The following SNX18 variants were observed in gnomAD, a reference collection of about 807,000 sequenced individuals.
The protein encoded by SNX18 is sorting nexin-18.
A neutral mutation model predicts 48.7 loss-of-function variants in SNX18; 35 were observed. That is an observed-to-expected ratio of 0.72 (90% CI 0.55 to 0.95). The LOEUF (loss-of-function observed/expected upper bound fraction) is 0.95. SNX18 is among the 40% of genes least tolerant of loss of function. The probability of loss-of-function intolerance (pLI) is 0.00; values close to 1 mark genes in which losing one functional copy is unlikely to be tolerated. For missense variants in SNX18, 824 were observed against 871.0 expected (o/e 0.95, Z 0.68); for synonymous variants, 492 against 384.7 (o/e 1.28, Z -3.26).
intron 1 of SNX18, among the ~76,000 whole-genome samples, chr5:54,532,047 C>G (rs1762260372): frequency 6.6e-6 from 1 of 152,224 alleles, no homozygotes; most frequent in South Asian, 2.1e-4. Flanking sequence ...CTTGCCTTGC[C>G]TTGGCTTCTC....
At chr5:54,625,569 T>A in the SNX18 span, among the ~76,000 whole-genome samples, 1 of 152,168 alleles carries the variant, frequency 6.6e-6, no homozygotes, top group Non-Finnish European at 1.5e-5. Context: ...GAAGTCACAC[T>A]CTTTTTGTAA....
the SNX18 span, among the ~76,000 whole-genome samples, chr5:54,613,655 C>G: frequency 6.6e-6 from 1 of 152,172 alleles, no homozygotes; most frequent in Non-Finnish European, 1.5e-5. Context: ...AAAGTGTGAA[C>G]TTCTTGTTTT....
At chr5:54,575,333 G>T in the SNX18 span, among the ~76,000 whole-genome samples, 2 of 150,970 alleles carry the variant, frequency 1.3e-5, no homozygotes, top group African/African-American at 2.4e-5. Context: ...TTGAGCTGAA[G>T]GCAGTTGAGA....
chr5:54,536,708 A>T (rs1034391112), intron 1 of SNX18, among the ~76,000 whole-genome samples: 3 of 152,168 alleles, frequency 2.0e-5, no homozygotes, highest in Non-Finnish European at 2.9e-5. Flanking sequence ...ATGTGTCTTC[A>T]TAGTAGCATG....
At chr5:54,519,964 T>C in intron 1 of SNX18, 1 of 780,522 alleles carries the variant, frequency 1.3e-6, no homozygotes, top group Non-Finnish European at 2.0e-6. Context: ...GTGGTGAGTT[T>C]CAAAAAGTGA....
At chr5:54,630,035 A>C in the SNX18 span, among the ~76,000 whole-genome samples, 1 of 152,158 alleles carries the variant, frequency 6.6e-6, no homozygotes, top group Non-Finnish European at 1.5e-5. Context: ...AGTGGCGGTG[A>C]TGGGATTTGA....
At chr5:54,639,612 G>T in the SNX18 span, among the ~76,000 whole-genome samples, 1 of 32,532 alleles carries the variant, frequency 3.1e-5, no homozygotes, top group East Asian at 4.9e-4. Flanking sequence ...TATTTTTCAC[G>T]AGAATCTTGA....
At chr5:54,625,720 T>C in the SNX18 span, among the ~76,000 whole-genome samples, 3 of 152,188 alleles carry the variant, frequency 2.0e-5, no homozygotes, top group Admixed American at 2.0e-4. Flanking sequence ...TCTTGGAGGC[T>C]GTCTAGGGGA....
chr5:54,591,257 A>T, the SNX18 span, among the ~76,000 whole-genome samples: 1 of 151,832 alleles, frequency 6.6e-6, no homozygotes, highest in African/African-American at 2.4e-5. Context: ...ATAGTTCATT[A>T]CAGCCTCAAC....
the SNX18 span, among the ~76,000 whole-genome samples, chr5:54,638,319 G>C: frequency 1.3e-5 from 2 of 152,150 alleles, no homozygotes; most frequent in Non-Finnish European, 2.9e-5. Context: ...AAATAAAAAG[G>C]GGGAGGGACT....
chr5:54,533,760 A>G (rs1041613523), intron 1 of SNX18, among the ~76,000 whole-genome samples: 1 of 152,198 alleles, frequency 6.6e-6, no homozygotes, highest in Non-Finnish European at 1.5e-5. Context: ...AAGTGGCTGG[A>G]CGGCTGCCCT....
At chr5:54,571,945 T>G in the SNX18 span, among the ~76,000 whole-genome samples, 1 of 152,184 alleles carries the variant, frequency 6.6e-6, no homozygotes, top group Non-Finnish European at 1.5e-5. Context: ...ATCAGTTCTA[T>G]GATCAACCAG....
chr5:54,646,573 C>G, the SNX18 span, among the ~76,000 whole-genome samples: 3 of 152,172 alleles, frequency 2.0e-5, no homozygotes, highest in Non-Finnish European at 1.5e-5. Context: ...CCACTACTAA[C>G]CAGAAGGTAT....
At chr5:54,525,553 G>A (rs1025816626) in intron 1 of SNX18, among the ~76,000 whole-genome samples, 1 of 152,098 alleles carries the variant, frequency 6.6e-6, no homozygotes, top group East Asian at 1.9e-4. Context: ...ATTGCACACC[G>A]GAAGTAATGG....
chr5:54,579,298 G>A, the SNX18 span, among the ~76,000 whole-genome samples: 1 of 151,460 alleles, frequency 6.6e-6, no homozygotes, highest in Non-Finnish European at 1.5e-5. Context: ...AGCCAAGATT[G>A]CACCACTGCC....
downstream of SNX18, among the ~76,000 whole-genome samples, chr5:54,547,878 C>T (rs78702083): frequency 0.013 from 1,916 of 152,242 alleles, 32 homozygotes; most frequent in African/African-American, 0.042. Context: ...TACCACTTGG[C>T]CACAGGTGGG....
chr5:54,571,409 C>A, the SNX18 span, among the ~76,000 whole-genome samples: 1 of 152,190 alleles, frequency 6.6e-6, no homozygotes, highest in Admixed American at 6.5e-5. Flanking sequence ...AGACGCTTGG[C>A]AGTGCTTTTG....
the SNX18 span, among the ~76,000 whole-genome samples, chr5:54,618,230 C>T: frequency 6.6e-6 from 1 of 152,308 alleles, no homozygotes; most frequent in African/African-American, 2.4e-5. Flanking sequence ...GTTTGCTTCC[C>T]CTTCTGCTAT....
chr5:54,573,404 A>C, the SNX18 span, among the ~76,000 whole-genome samples: 3 of 152,058 alleles, frequency 2.0e-5, no homozygotes, highest in East Asian at 5.8e-4. Context: ...CTGGATTGGG[A>C]CCCCTTTCCT....
Sources: allele counts gnomAD v4.1 joint callset (sites outside exome capture counted in the v4.1 genomes callset), GRCh38; gene constraint gnomAD v4.1.1; transcripts MANE v1.5; gene names NCBI Gene and HGNC (gene_info 2026-07-23, HGNC 2026-07-21).